Variants in CES1 observed in about 807,000 individuals in gnomAD.
CES1 encodes liver carboxylesterase 1.
CES1 carries 50 observed loss-of-function variants against 53.0 expected under a neutral mutation model. That is an observed-to-expected ratio of 0.94 (90% CI 0.75 to 1.19). CES1 has a LOEUF of 1.19. CES1 is among the 50% of genes most tolerant of loss of function. The probability of loss-of-function intolerance (pLI) is 0.00; values close to 1 mark genes in which losing one functional copy is unlikely to be tolerated. For synonymous variants in CES1, 202 were observed against 210.1 expected, an observed-to-expected ratio of 0.96 and a Z score of 0.33; for missense variants, 534 against 538.0, an observed-to-expected ratio of 0.99 and a Z score of 0.07.
rs1597065461 is a variant in CES1, at chr16:55,810,585, AG to A, written c.1249del (p.Leu417CysfsTer5). The A allele has an allele frequency of 6.2e-7, 1 of 1,614,162 alleles. No individual in the cohort carries two copies. The highest frequency in any genetic ancestry group is 8.5e-7 in the Non-Finnish European group (1 of 1,180,014). ...GTDDTVKKKD[L>X]FLDLIADVMF... ...CACATCTGCTATCAAGTCCAGGAAC[AG>A]GTCTTTCTTTTTGACAGTGTCGTCT... On this transcript the variant is annotated frameshift_variant, in exon 11 of 14. Transcript: ENST00000360526. LOFTEE classifies it high-confidence loss of function.
chr16:55,813,183 T>C, intron 8 of CES1, 140 bp from the exon 9 acceptor site: 2 of 1,189,626 alleles, frequency 1.7e-6, no homozygotes, highest in South Asian at 1.3e-5. Context: ...GGATCCTAAC[T>C]TAGGGGGGTA....
At chr16:55,818,818 T>A (rs1160172302) in intron 7 of CES1, among the ~76,000 whole-genome samples, 1 of 151,664 alleles carries the variant, frequency 6.6e-6, no homozygotes, top group African/African-American at 2.4e-5. Context: ...AATGGATACA[T>A]GAATAGATGG....
chr16:55,820,185 G>C (rs186291666), intron 6 of CES1, 187 bp downstream of exon 6: 5 of 582,128 alleles, frequency 8.6e-6, no homozygotes, highest in Non-Finnish European at 1.6e-5. Context: ...GTGTCGGTTT[G>C]CCTGGCTGTG....
chr16:55,820,621 T>A, intron 5 of CES1, 142 bp from the exon 6 acceptor site: 1 of 1,404,334 alleles, frequency 7.1e-7, no homozygotes. Flanking sequence ...TCTGCCCACC[T>A]CAAGGAGGTG....
intron 5 of CES1, 125 bp from the exon 6 acceptor site, chr16:55,820,604 C>G: frequency 6.8e-7 from 1 of 1,477,704 alleles, no homozygotes; most frequent in South Asian, 1.2e-5. Context: ...CAGTAGTGGG[C>G]TGACCCTCTG....
intron 8 of CES1, among the ~76,000 whole-genome samples, chr16:55,814,080 A>C (rs1432824062): frequency 4.6e-5 from 7 of 152,218 alleles, no homozygotes; most frequent in Middle Eastern, 3.2e-3. Flanking sequence ...AGATTATGCT[A>C]TCTATCTGTA....
At chr16:55,827,501 T>C (rs2032465217) in intron 2 of CES1, among the ~76,000 whole-genome samples, 1 of 152,064 alleles carries the variant, frequency 6.6e-6, no homozygotes, top group African/African-American at 2.4e-5. Context: ...AGGAGTGTAG[T>C]TGGAATATTT....
Position 55,821,506 on chromosome 16 carries a change from G to A in CES1, c.555C>T (p.His185=), listed in dbSNP as rs754965887. 5.6e-6 allele frequency: 9 copies of A among 1,614,104 alleles called. No individual in the cohort carries two copies. The African/African-American group carries it at 1.2e-4, about 22-fold the overall frequency. Residue 185 remains histidine, a synonymous_variant, in exon 5 of 14, where the codon CAC becomes CAT. Coordinates refer to ENST00000360526, the MANE Select transcript of CES1 (RefSeq NM_001025195.2). The stretch of plus-strand genomic sequence containing the variant: ...CCAGGTGACCCCAGTTCCCCCGGCT[G>A]TGTTCATCCCCTGTGCTGTGAGGAA... ...IWGFFSTGDE[H]SRGNWGHLDQ...
rs188324708 is a variant in CES1 at position 55,814,131 on chromosome 16, G to C, written c.946-1088C>G. Among the ~76,000 whole-genome samples the C allele has an allele frequency of 5.3e-5, 8 of 152,292 alleles. No individual in the cohort carries two copies. The East Asian group carries it at 1.5e-3, about 29-fold the overall frequency. ...TTATTGATCCACGGGTGGCTTTGAG[G>C]AGGTACCGAACCCTGGTCACTCAAG... On this transcript the variant is annotated intron_variant, in intron 8 of 13. Coordinates refer to ENST00000360526, the MANE Select transcript of CES1 (RefSeq NM_001025195.2).
At chr16:55,809,313 T>C (rs1181451172) in intron 11 of CES1, among the ~76,000 whole-genome samples, 1 of 152,232 alleles carries the variant, frequency 6.6e-6, no homozygotes, top group Non-Finnish European at 1.5e-5. Context: ...ATGAGGGTTA[T>C]GAGCACCTGC....
rs1176880743 is a variant in CES1, at chr16:55,826,403, A to G, written c.261-108T>C. The stretch of plus-strand genomic sequence containing the variant: ...GTTTAAGCCTGGAAATGGACTTGAT[A>G]GTTACAGACTCACGACATTGTAGTG... On this transcript the variant is annotated intron_variant, in intron 2 of 13. Coordinates refer to ENST00000360526, the MANE Select transcript of CES1 (RefSeq NM_001025195.2). 3 of 1,350,400 alleles carry G rather than the reference A, an allele frequency of 2.2e-6. No homozygotes were observed. The African/African-American group carries it at 4.4e-5, about 20-fold the overall frequency. The allele number at this position is 1,350,400 out of a possible 1,614,324, so 83.7% of individuals were successfully genotyped here.
At chr16:55,818,746 G>A (rs2032053234) in intron 7 of CES1, among the ~76,000 whole-genome samples, 1 of 151,904 alleles carries the variant, frequency 6.6e-6, no homozygotes, top group African/African-American at 2.4e-5. Context: ...TAGCATGGAT[G>A]GATGGATGGA....
chr16:55,810,576 T>C lies in CES1; in HGVS notation c.1259A>G (p.Asp420Gly). The C allele has an allele frequency of 6.2e-7, 1 of 1,614,152 alleles. No homozygotes were observed. The highest frequency in any genetic ancestry group is 1.1e-5 in the South Asian group (1 of 91,080). ...ACCAAACATCACATCTGCTATCAAG[T>C]CCAGGAACAGGTCTTTCTTTTTGAC... ...DTVKKKDLFL[D>G]LIADVMFGVP... is the part of the protein sequence containing the mutation. The change falls in exon 11 of 14, where the codon GAC becomes GGC. Residue 420 changes from aspartate to glycine, a missense_variant. Asp to Gly is a moderately conservative substitution (Grantham distance 94, BLOSUM62 -1). This residue lies in a region of CES1 where 269 missense variants were observed against 206.6 expected (regional missense o/e 1.30). Coordinates refer to ENST00000360526, the MANE Select transcript of CES1 (RefSeq NM_001025195.2).
intron 1 of CES1, among the ~76,000 whole-genome samples, chr16:55,829,919 A>G (rs1363217464): frequency 1.3e-5 from 2 of 152,202 alleles, no homozygotes; most frequent in African/African-American, 4.8e-5. Flanking sequence ...TCATGGGACT[A>G]TACTGGCCTG....
intron 8 of CES1, among the ~76,000 whole-genome samples, chr16:55,814,834 C>T (rs2031863928): frequency 6.6e-6 from 1 of 152,216 alleles, no homozygotes; most frequent in Non-Finnish European, 1.5e-5. Context: ...GAAAAGTGGA[C>T]CAGACCTAGC....
chr16:55,829,413 C>T (rs1324313168), intron 1 of CES1, among the ~76,000 whole-genome samples: 1 of 152,236 alleles, frequency 6.6e-6, no homozygotes, highest in Non-Finnish European at 1.5e-5. Flanking sequence ...AAGGAAGTGG[C>T]CATGTCCTGG....
rs188426054 is a variant in CES1 at position 55,821,156 on chromosome 16, C to G, written c.693+212G>C. Among the ~76,000 whole-genome samples, 252 of 152,120 alleles carry G rather than the reference C, an allele frequency of 1.7e-3. 2 individuals are homozygous for G. The South Asian group carries it at 0.049, about 29-fold the overall frequency. On this transcript the variant is annotated intron_variant, in intron 5 of 13. Transcript: ENST00000360526. ...AGGCTGCAACTGGAGATTCATATGG[C>G]CCCAGGACACTAAGCTGAGCTCTGA...
intron 9 of CES1, among the ~76,000 whole-genome samples, chr16:55,811,973 T>G (rs2031718606): frequency 1.3e-5 from 2 of 152,190 alleles, no homozygotes; most frequent in Non-Finnish European, 2.9e-5. Context: ...TGAGCCAGGA[T>G]GAAGACATCC....
chr16:55,821,367 C>G lies in CES1; in HGVS notation c.693+1G>C, dbSNP rs1426776788. On this transcript the variant is annotated splice_donor_variant, in intron 5 of 13. Coordinates refer to ENST00000360526, the MANE Select transcript of CES1 (RefSeq NM_001025195.2). LOFTEE classifies it high-confidence loss of function. Reference sequence around the variant, plus strand: ...TTGGGCCTGGTGACAGGAAAACTCACAAGAACAGAGACACTTTCTCCTCCC... The same window carrying G: ...TTGGGCCTGGTGACAGGAAAACTCAGAAGAACAGAGACACTTTCTCCTCCC... The G allele has an allele frequency of 6.8e-6, 11 of 1,614,204 alleles. No homozygotes were observed. Among genetic ancestry groups the G allele is most frequent in the Non-Finnish European group, 8.5e-6 (10 of 1,180,048 alleles).
Sources: gnomAD v4.1 joint callset for allele counts (sites outside exome capture counted in the v4.1 genomes callset) on GRCh38, gnomAD v4.1.1 for gene constraint, gnomAD v4.1.1 regional missense constraint, MANE v1.5 for transcripts, NCBI Gene and HGNC (gene_info 2026-07-23, HGNC 2026-07-21) for gene names.